The following MYO18A variants were observed in gnomAD, a reference collection of about 807,000 sequenced individuals.
The protein encoded by MYO18A is myosin XVIIIA, also known as unconventional myosin-XVIIIa.
A neutral mutation model predicts 235.8 loss-of-function variants in MYO18A; 78 were observed. The ratio of observed to expected loss-of-function variants is 0.33; its 90% CI spans 0.28 to 0.40. The LOEUF (loss-of-function observed/expected upper bound fraction) is 0.40, where lower values mean the gene tolerates loss of function less well. MYO18A is among the 10% of genes least tolerant of loss of function. MYO18A has a pLI of 1.00. For synonymous variants in MYO18A, 977 were observed against 1,077.8 expected, an observed-to-expected ratio of 0.91 and a Z score of 1.83; for missense variants, 2,215 against 2,699.3, an observed-to-expected ratio of 0.82 and a Z score of 3.98.
In MYO18A at chr17:29,180,393, G is replaced by GAGCGCAGCGCGGCGC. The variant is rs1567655540; in HGVS notation, c.-163_-162insGCGCCGCGCTGCGCT. 1 of 152,088 alleles carries GAGCGCAGCGCGGCGC rather than the reference G, an allele frequency of 6.6e-6. No individual in the cohort carries two copies. The highest frequency in any genetic ancestry group is 1.5e-5 in the Non-Finnish European group (1 of 68,000). 9.4% of individuals were successfully genotyped at this position (152,088 alleles called of 1,614,324 possible). On this transcript the variant is annotated 5_prime_UTR_variant, in exon 1 of 42. Transcript: ENST00000527372. This position sits in a 1 kb window ranked among gnomAD's most constrained non-coding sequence, Gnocchi z 6.1. ...CCTCGGCCCGGTCAGGGATGGAGCA[G>GAGCGCAGCGCGGCGC]AGCGCAGCGCGGCGCAGCTCAGCGC...
chr17:29,128,487 T>C (rs1291501055), intron 2 of MYO18A: 1 of 1,287,874 alleles, frequency 7.8e-7, no homozygotes, highest in Non-Finnish European at 1.0e-6. Flanking sequence ...GGTATCGGGC[T>C]GGTGGGAGGC....
At chr17:29,075,793 G>C (rs1472353478) in intron 41 of MYO18A, 4 of 152,804 alleles carry the variant, frequency 2.6e-5, no homozygotes, top group Non-Finnish European at 5.9e-5. Flanking sequence ...GCCTCCGTCA[G>C]TTCAAGTGCA....
intron 1 of MYO18A, among the ~76,000 whole-genome samples, chr17:29,171,753 G>C (rs1035042605): frequency 3.3e-5 from 5 of 151,958 alleles, no homozygotes; most frequent in Non-Finnish European, 5.9e-5. Flanking sequence ...AAAATTATCT[G>C]GATGTGGTGG....
rs771679818 is a variant in MYO18A at position 29,166,276 on chromosome 17, T to C, written c.665A>G (p.Glu222Gly). 4.3e-6 allele frequency: 7 copies of C among 1,612,878 alleles called. No homozygotes were observed. The highest frequency in any genetic ancestry group is 4.2e-6 in the Non-Finnish European group (5 of 1,179,866). ...GTCTCCAGTGGGCCGTCGTTGCAGC[T>C]CCAGCTCCCGGAGGGTAGGTGGGGG... ...PLPPPTLREL[E>G]LQRRPTGDFG... The change falls in exon 2 of 42, where the codon GAG becomes GGG. Residue 222 changes from glutamate (E) to glycine (G), a missense_variant. Glu to Gly is a moderately conservative substitution (Grantham distance 98, BLOSUM62 -2). Transcript: ENST00000527372.
chr17:29,120,576 C>T lies in MYO18A; in HGVS notation c.1728+40G>A, dbSNP rs769017685. 7 of 1,594,982 alleles carry T rather than the reference C, an allele frequency of 4.4e-6. No homozygotes were observed. The Admixed American group carries it at 8.6e-5, about 20-fold the overall frequency. On this transcript the variant is annotated intron_variant, in intron 7 of 41. Transcript: ENST00000527372. This position sits in a 1 kb window ranked among gnomAD's most constrained non-coding sequence, Gnocchi z 4.2. Reference sequence around the variant, plus strand: ...ATGTCTAGGTCATGAAATCATGTGGCCTGTGTCCTACTACCCCGAGTCCTG... The same window carrying T: ...ATGTCTAGGTCATGAAATCATGTGGTCTGTGTCCTACTACCCCGAGTCCTG...
chr17:29,099,026 C>T (rs575830425), intron 22 of MYO18A, 57 bp from the exon 23 acceptor site: 147 of 1,602,456 alleles, frequency 9.2e-5, no homozygotes, highest in Non-Finnish European at 1.2e-4. Flanking sequence ...TGGCCAAGCT[C>T]GGCCCAGGAT....
intron 41 of MYO18A, chr17:29,080,206 T>TCGGGCTCCAGGC: frequency 1.0e-6 from 1 of 985,916 alleles, no homozygotes; most frequent in Non-Finnish European, 1.2e-6. Flanking sequence ...CTCCTCGGAG[T>TCGGGCTCCAGGC]CGGGCTCCAG....
rs1034185927 is a variant in MYO18A at position 29,121,321 on chromosome 17, C to T, written c.1372-110G>A. On this transcript the variant is annotated intron_variant, in intron 5 of 41. Coordinates refer to ENST00000527372, the MANE Select transcript of MYO18A (RefSeq NM_078471.4). The surrounding 1 kb of genome is among the most constrained non-coding windows in gnomAD (Gnocchi z 4.2). Reference sequence around the variant, plus strand: ...TCTGGATTTTCCCTCCTGTAGTGCCCAGGGATTCCAAGGCCAAGGCCATGC... The same window carrying T: ...TCTGGATTTTCCCTCCTGTAGTGCCTAGGGATTCCAAGGCCAAGGCCATGC... 1.9e-5 allele frequency: 25 copies of T among 1,290,818 alleles called. No individual in the cohort carries two copies. The highest frequency in any genetic ancestry group is 2.6e-5 in the Non-Finnish European group (24 of 932,340). The allele number at this position is 1,290,818 out of a possible 1,614,324, so 80.0% of individuals were successfully genotyped here.
chr17:29,107,319 T>C, intron 19 of MYO18A, 130 bp from the exon 20 acceptor site: 2 of 823,704 alleles, frequency 2.4e-6, no homozygotes, highest in South Asian at 1.5e-5. Context: ...GGGGAGCCTG[T>C]GGTTGAAGGC....
rs369370726 is a variant in MYO18A, at chr17:29,114,073, C to T, written c.2536G>A (p.Asp846Asn). The change falls in exon 15 of 42, where the codon GAC becomes AAC. Residue 846 changes from aspartate (D) to asparagine (N), a missense_variant. Asp to Asn is a conservative substitution (Grantham distance 23). Coordinates refer to ENST00000527372, the MANE Select transcript of MYO18A (RefSeq NM_078471.4). The part of the protein sequence containing the change: ...KEENIELAFD[D>N]LEPPTDDSVA... Reference sequence around the variant, plus strand: ...GAGTCATCCGTCGGGGGTTCCAAGTCGTCAAACGCCAGCTCGATGTTCTCC... The same window carrying T: ...GAGTCATCCGTCGGGGGTTCCAAGTTGTCAAACGCCAGCTCGATGTTCTCC... 7.4e-5 allele frequency: 118 copies of T among 1,600,910 alleles called. 1 individual carries two copies. Among genetic ancestry groups the T allele is most frequent in the Non-Finnish European group, 9.7e-5 (114 of 1,174,164 alleles).
chr17:29,097,442 G>A (rs1321515685), intron 26 of MYO18A, 92 bp from the exon 27 acceptor site: 4 of 1,524,200 alleles, frequency 2.6e-6, no homozygotes, highest in Non-Finnish European at 3.6e-6. Context: ...GGGAGCAGCA[G>A]GTGGAGTCAG....
At chr17:29,160,307 A>C (rs976917036) in intron 2 of MYO18A, among the ~76,000 whole-genome samples, 3 of 152,184 alleles carry the variant, frequency 2.0e-5, no homozygotes, top group African/African-American at 7.2e-5. Flanking sequence ...TCTTTCTCCA[A>C]CTTAACCTTC....
At chr17:29,144,752 A>G (rs892268003) in intron 2 of MYO18A, among the ~76,000 whole-genome samples, 2 of 152,208 alleles carry the variant, frequency 1.3e-5, no homozygotes, top group East Asian at 3.8e-4. Flanking sequence ...AACACATTAC[A>G]TACATACGGT....
Position 29,118,287 on chromosome 17 carries a change from C to T in MYO18A, c.1893+90G>A. ...GCTTGGGTAGAGCCAGCAGCTGGAGCTGGGCTCCCACTATTCCCACAGGAC... is the reference window on the plus strand; with the variant it reads ...GCTTGGGTAGAGCCAGCAGCTGGAGTTGGGCTCCCACTATTCCCACAGGAC... On this transcript the variant is annotated intron_variant, in intron 9 of 41. Transcript: ENST00000527372. This position sits in a 1 kb window ranked among gnomAD's most constrained non-coding sequence, Gnocchi z 4.2. 6.4e-7 allele frequency: 1 copy of T among 1,553,770 alleles called. No individual in the cohort carries two copies.
At position 29,090,539 on chromosome 17, in the gene MYO18A, T is replaced by G; in HGVS notation, c.5381A>C (p.Gln1794Pro). ...GGAGCCCCTGGTCCTCACCTTCTCC[T>G]GCAGCTCCTGCTTCTCTTTGTTGGC... ...EEANKEKQELQEKLQALQSQV... is the reference protein window; with the variant it reads ...EEANKEKQELPEKLQALQSQV... The change falls in exon 36 of 42, where the codon CAG becomes CCG. Residue 1794 changes from glutamine (Q) to proline (P), a missense_variant. Coordinates refer to ENST00000527372, the MANE Select transcript of MYO18A (RefSeq NM_078471.4). 1 of 1,590,662 alleles carries G rather than the reference T, an allele frequency of 6.3e-7. No individual in the cohort carries two copies. Among genetic ancestry groups the G allele is most frequent in the Non-Finnish European group, 8.6e-7 (1 of 1,167,414 alleles).
intron 21 of MYO18A, 150 bp from the exon 22 acceptor site, chr17:29,099,912 A>T: frequency 8.0e-6 from 9 of 1,119,770 alleles, no homozygotes; most frequent in Admixed American, 3.1e-5. Flanking sequence ...CCAAGAGAGG[A>T]GGGGAGGAGC....
intron 7 of MYO18A, among the ~76,000 whole-genome samples, chr17:29,119,707 G>A (rs933566917): frequency 2.0e-5 from 3 of 151,938 alleles, no homozygotes; most frequent in African/African-American, 4.8e-5. Flanking sequence ...GGGATTACAG[G>A]CATGCACCAC....
intron 41 of MYO18A, among the ~76,000 whole-genome samples, chr17:29,079,414 G>C (rs1016030204): frequency 3.3e-5 from 5 of 152,236 alleles, no homozygotes; most frequent in African/African-American, 1.2e-4. Flanking sequence ...ATCAGACTTT[G>C]TTACGGAGTT....
intron 1 of MYO18A, among the ~76,000 whole-genome samples, chr17:29,168,227 C>A (rs2068325069): frequency 6.6e-6 from 1 of 152,062 alleles, no homozygotes; most frequent in Non-Finnish European, 1.5e-5. Context: ...AATTCACATC[C>A]TTTTCCCCAG....
Sources: gnomAD v4.1 joint callset for allele counts (sites outside exome capture counted in the v4.1 genomes callset) on GRCh38, gnomAD v4.1.1 for gene constraint, Gnocchi (gnomAD v3.1) non-coding constraint, MANE v1.5 for transcripts, NCBI Gene and HGNC (gene_info 2026-07-23, HGNC 2026-07-21) for gene names.